The following RSRC1 variants were observed in gnomAD, a reference collection of about 807,000 sequenced individuals.
RSRC1 encodes the protein serine/Arginine-related protein 53.
A neutral mutation model predicts 49.1 loss-of-function variants in RSRC1; 39 were observed. The ratio of observed to expected loss-of-function variants is 0.79; its 90% CI spans 0.61 to 1.04. The LOEUF (loss-of-function observed/expected upper bound fraction) is 1.04. Among genes scored for constraint, RSRC1 ranks in the 50% least tolerant of loss-of-function variants. The pLI, the probability that RSRC1 is intolerant of heterozygous loss-of-function variation, is 0.00. For synonymous variants in RSRC1, 143 were observed against 130.8 expected (o/e 1.09, Z -0.63); for missense variants, 388 against 402.4 (o/e 0.96, Z 0.31).
At chr3:158,118,844 C>G (rs988754938) in intron 1 of RSRC1, among the ~76,000 whole-genome samples, 17 of 152,216 alleles carry the variant, frequency 1.1e-4, no homozygotes, top group African/African-American at 3.9e-4. Context: ...TGGGGGCCTG[C>G]CCTTTTTGGG....
intron 4 of RSRC1, among the ~76,000 whole-genome samples, chr3:158,249,988 A>G (rs765622310): frequency 2.0e-5 from 3 of 152,086 alleles, no homozygotes; most frequent in Non-Finnish European, 4.4e-5. Context: ...CTCAGCCTCT[A>G]GTAAGCATCA....
chr3:158,502,295 A>G (rs1380614248), intron 7 of RSRC1, among the ~76,000 whole-genome samples: 1 of 152,064 alleles, frequency 6.6e-6, no homozygotes, highest in African/African-American at 2.4e-5. Context: ...AGCTCTTAAG[A>G]TTCTTTCCTT....
At chr3:158,135,181 T>G (rs1017352107) in intron 3 of RSRC1, among the ~76,000 whole-genome samples, 1 of 152,182 alleles carries the variant, frequency 6.6e-6, no homozygotes, top group Non-Finnish European at 1.5e-5. Flanking sequence ...TTCTTAACTG[T>G]GCTGTTTACT....
intron 3 of RSRC1, among the ~76,000 whole-genome samples, chr3:158,149,274 C>G (rs529919936): frequency 1.3e-5 from 2 of 152,280 alleles, no homozygotes; most frequent in East Asian, 3.9e-4. Context: ...TTTCTTCTAA[C>G]TGCATCATTT....
intron 3 of RSRC1, among the ~76,000 whole-genome samples, chr3:158,180,886 C>G (rs1324438944): frequency 6.9e-6 from 1 of 145,378 alleles, no homozygotes; most frequent in African/African-American, 2.6e-5. Context: ...CTTACTGCAA[C>G]CTCCGCCTCC....
At chr3:158,373,260 C>T (rs1022000786) in intron 6 of RSRC1, among the ~76,000 whole-genome samples, 3 of 151,846 alleles carry the variant, frequency 2.0e-5, no homozygotes, top group African/African-American at 7.2e-5. Context: ...CTAGAATCTC[C>T]AGCTTTTGAG....
chr3:158,475,942 G>T (rs1418257171), intron 7 of RSRC1, among the ~76,000 whole-genome samples: 3 of 152,134 alleles, frequency 2.0e-5, no homozygotes, highest in African/African-American at 7.2e-5. Context: ...GGCATCTTGT[G>T]CCAAACATTT....
chr3:158,267,858 CTATTTT>C (rs1218689684), intron 4 of RSRC1, among the ~76,000 whole-genome samples: 9 of 91,258 alleles, frequency 9.9e-5, no homozygotes, highest in African/African-American at 2.8e-4. Flanking sequence ...GTTTCCATAT[CTATTTT>C]TTTTTTTTTT....
At chr3:158,435,097 A>T (rs1239045635) in intron 6 of RSRC1, among the ~76,000 whole-genome samples, 1 of 151,934 alleles carries the variant, frequency 6.6e-6, no homozygotes, top group Non-Finnish European at 1.5e-5. Context: ...TGAAATGAAA[A>T]TAGTAATGTT....
chr3:158,353,976 ATTAGT>A (rs1422502021), intron 5 of RSRC1, among the ~76,000 whole-genome samples: 1 of 147,986 alleles, frequency 6.8e-6, no homozygotes, highest in African/African-American at 2.5e-5. Flanking sequence ...CTGGTAGGAA[ATTAGT>A]TTAGTTTCTT....
In RSRC1 at chr3:158,528,382, C is replaced by T. The variant is rs139114033; in HGVS notation, c.653-8710C>T. Among the ~76,000 whole-genome samples, 1,485 of 151,812 alleles carry T rather than the reference C, an allele frequency of 9.8e-3. 9 individuals carry two copies. The highest frequency in any genetic ancestry group is 0.023 in the South Asian group (110 of 4,820). On this transcript the variant is annotated intron_variant, in intron 7 of 9. Transcript: ENST00000611884. ...TAATGGCTTAATTTCTATCAATTAG[C>T]GGGGAAAAATCTCCTGCGAGACAAG...
At chr3:158,405,903 A>T in intron 6 of RSRC1, among the ~76,000 whole-genome samples, 1 of 152,240 alleles carries the variant, frequency 6.6e-6, no homozygotes, top group East Asian at 1.9e-4. Context: ...TTATTCTTAA[A>T]ATTCTCAAAA....
At chr3:158,208,390 G>A (rs1324230869) in intron 4 of RSRC1, among the ~76,000 whole-genome samples, 1 of 152,082 alleles carries the variant, frequency 6.6e-6, no homozygotes, top group Non-Finnish European at 1.5e-5. Context: ...TAGAGACAGG[G>A]TCTCATTTTG....
chr3:158,512,682 T>C (rs575961907), intron 7 of RSRC1, among the ~76,000 whole-genome samples: 504 of 150,252 alleles, frequency 3.4e-3, no homozygotes, highest in Non-Finnish European at 5.1e-3. Context: ...GGGGATGGCA[T>C]TGAATCTGTA....
At chr3:158,435,222 T>C (rs1347640755) in intron 6 of RSRC1, among the ~76,000 whole-genome samples, 3 of 151,818 alleles carry the variant, frequency 2.0e-5, no homozygotes, top group Admixed American at 1.3e-4. Flanking sequence ...CTCTTGCATT[T>C]TTTTTAATTA....
intron 7 of RSRC1, among the ~76,000 whole-genome samples, chr3:158,525,788 GAT>G (rs1711984750): frequency 6.6e-6 from 1 of 151,900 alleles, no homozygotes; most frequent in South Asian, 2.1e-4. Flanking sequence ...AAAGACATCA[GAT>G]ATAAAAGAGT....
chr3:158,342,990 A>G (rs923311753), intron 5 of RSRC1, among the ~76,000 whole-genome samples: 1 of 152,226 alleles, frequency 6.6e-6, no homozygotes, highest in Non-Finnish European at 1.5e-5. Flanking sequence ...GGAAGGCCAA[A>G]GCATCTGGGA....
intron 3 of RSRC1, among the ~76,000 whole-genome samples, chr3:158,154,925 A>G (rs186178613): frequency 1.3e-5 from 2 of 152,302 alleles, no homozygotes; most frequent in Non-Finnish European, 2.9e-5. Flanking sequence ...GCTCATCCAT[A>G]AGAAGCAACT....
chr3:158,241,045 T>C (rs762021432), intron 4 of RSRC1, among the ~76,000 whole-genome samples: 4 of 152,198 alleles, frequency 2.6e-5, no homozygotes, highest in Non-Finnish European at 4.4e-5. Flanking sequence ...TATCATAAAG[T>C]ATGTATATGT....
Sources: allele counts gnomAD v4.1 joint callset (sites outside exome capture counted in the v4.1 genomes callset), GRCh38; gene constraint gnomAD v4.1.1; transcripts MANE v1.5; gene names NCBI Gene and HGNC (gene_info 2026-07-23, HGNC 2026-07-21).